Variants in CYP2J2 observed in about 807,000 individuals in gnomAD.
CYP2J2 encodes the protein cytochrome P450 family 2 subfamily J member 2.
Under a neutral mutation model 48.8 loss-of-function variants are expected in CYP2J2, and 41 were observed. That is an observed-to-expected ratio of 0.84 (90% CI 0.66 to 1.09). The LOEUF is 1.09. CYP2J2 is among the 50% of genes least tolerant of loss of function. The pLI is 0.00. For missense variants in CYP2J2, 644 were observed against 617.3 expected (o/e 1.04, Z -0.46); for synonymous variants, 221 against 227.1 (o/e 0.97, Z 0.24).
chr1:59,935,051 T>TATATATATATATATATATATATATATAC, the CYP2J2 span, among the ~76,000 whole-genome samples: 1 of 107,758 alleles, frequency 9.3e-6, no homozygotes, highest in Non-Finnish European at 1.9e-5. Flanking sequence ...TATATATATA[T>TATATATATATATATATATATATATATAC]ACACAACAGA....
chr1:59,899,095 C>T (rs922937246), intron 8 of CYP2J2, among the ~76,000 whole-genome samples: 10 of 152,178 alleles, frequency 6.6e-5, no homozygotes, highest in African/African-American at 1.9e-4. Context: ...CCTCTCATCA[C>T]GGTTGCAGCT....
intron 2 of CYP2J2, among the ~76,000 whole-genome samples, chr1:59,913,882 T>C (rs148674585): frequency 1.6e-4 from 25 of 152,368 alleles, no homozygotes; most frequent in Middle Eastern, 3.4e-3. Context: ...GGATAACAAC[T>C]AGTGTCCTTA....
chr1:59,908,662 G>T (rs1644385199), intron 5 of CYP2J2, among the ~76,000 whole-genome samples: 1 of 152,130 alleles, frequency 6.6e-6, no homozygotes, highest in African/African-American at 2.4e-5. Flanking sequence ...TTCTATAAAT[G>T]TCATACCAAT....
chr1:59,960,189 A>C, the CYP2J2 span, among the ~76,000 whole-genome samples: 58 of 152,150 alleles, frequency 3.8e-4, no homozygotes, highest in Non-Finnish European at 7.2e-4. Context: ...TGCAAAGGTG[A>C]TATAGGGAAG....
At chr1:59,967,116 G>A in the CYP2J2 span, among the ~76,000 whole-genome samples, 2 of 152,242 alleles carry the variant, frequency 1.3e-5, no homozygotes, top group East Asian at 3.9e-4. Context: ...TTATGGTTTA[G>A]GCTGAGAACT....
chr1:59,961,981 G>A, the CYP2J2 span, among the ~76,000 whole-genome samples: 1 of 152,152 alleles, frequency 6.6e-6, no homozygotes, highest in South Asian at 2.1e-4. Context: ...ATAATAAGGA[G>A]TGATGCTAGT....
At chr1:59,932,290 T>C in the CYP2J2 span, among the ~76,000 whole-genome samples, 2 of 152,152 alleles carry the variant, frequency 1.3e-5, no homozygotes, top group East Asian at 3.9e-4. Flanking sequence ...GAAGATTTTA[T>C]TGAGGAGTAA....
chr1:59,934,636 C>T, the CYP2J2 span, among the ~76,000 whole-genome samples: 1 of 151,976 alleles, frequency 6.6e-6, no homozygotes, highest in South Asian at 2.1e-4. Context: ...CAAGGAAATG[C>T]AAATCACACT....
the CYP2J2 span, among the ~76,000 whole-genome samples, chr1:59,936,769 C>G: frequency 6.6e-6 from 1 of 152,262 alleles, no homozygotes; most frequent in Non-Finnish European, 1.5e-5. Flanking sequence ...GACATGGGAT[C>G]AGATATTCCC....
chr1:59,937,934 C>T, the CYP2J2 span, among the ~76,000 whole-genome samples: 1 of 152,066 alleles, frequency 6.6e-6, no homozygotes, highest in Admixed American at 6.6e-5. Context: ...TTATCTCTAT[C>T]TTTTTGTTAC....
chr1:59,939,532 A>G, the CYP2J2 span, among the ~76,000 whole-genome samples: 1 of 152,126 alleles, frequency 6.6e-6, no homozygotes, highest in Non-Finnish European at 1.5e-5. Context: ...ACTGGTTCAG[A>G]CCTAATCTAT....
At chr1:59,918,603 G>A (rs1423996942) in intron 1 of CYP2J2, among the ~76,000 whole-genome samples, 1 of 151,556 alleles carries the variant, frequency 6.6e-6, no homozygotes, top group African/African-American at 2.4e-5. Flanking sequence ...AAATGACCCA[G>A]AGGGCCTCTG....
At chr1:59,931,891 T>A in the CYP2J2 span, among the ~76,000 whole-genome samples, 1 of 152,134 alleles carries the variant, frequency 6.6e-6, no homozygotes, top group East Asian at 1.9e-4. Context: ...ATCAGGATAA[T>A]TTGAGATTTA....
intron 8 of CYP2J2, 137 bp downstream of exon 8, chr1:59,900,828 C>T (rs1419949707): frequency 6.1e-6 from 6 of 989,812 alleles, no homozygotes; most frequent in South Asian, 3.3e-5. Context: ...GGGCTGCCCC[C>T]TACAGCAAGA....
In CYP2J2 at chr1:59,923,112, T is replaced by C. The variant is rs535321428; in HGVS notation, c.210+3425A>G. ...GAGGAGATATAGGCAGATCTCTGAC[T>C]CTCTTCCCTCCGTAGTAAAGCATAA... On this transcript the variant is annotated intron_variant, in intron 1 of 8. Transcript: ENST00000371204. 4.6e-5 allele frequency among the ~76,000 whole-genome samples: 7 copies of C among 152,334 alleles called. No individual in the cohort carries two copies. The South Asian group carries it at 1.4e-3, about 32-fold the overall frequency.
intron 8 of CYP2J2, among the ~76,000 whole-genome samples, chr1:59,897,123 G>C (rs1273524164): frequency 2.6e-5 from 4 of 152,184 alleles, no homozygotes; most frequent in South Asian, 2.1e-4. Flanking sequence ...TTTCCCAACA[G>C]TGTGTGTCTA....
At chr1:59,939,621 G>C in the CYP2J2 span, among the ~76,000 whole-genome samples, 1 of 152,160 alleles carries the variant, frequency 6.6e-6, no homozygotes, top group Non-Finnish European at 1.5e-5. Flanking sequence ...CTCTGGGGCT[G>C]TAGATGTCAA....
upstream of CYP2J2, among the ~76,000 whole-genome samples, chr1:59,930,518 T>C (rs1357784662): frequency 1.3e-5 from 2 of 152,170 alleles, no homozygotes; most frequent in Non-Finnish European, 2.9e-5. Flanking sequence ...TATATTTTCA[T>C]GTTCTGGTTG....
chr1:59,929,096 A>T (rs958708961), upstream of CYP2J2, among the ~76,000 whole-genome samples: 3 of 152,234 alleles, frequency 2.0e-5, no homozygotes, highest in African/African-American at 7.2e-5. Flanking sequence ...TTAAATACAG[A>T]ACAGAGAAAA....
Sources: allele counts gnomAD v4.1 joint callset (sites outside exome capture counted in the v4.1 genomes callset), GRCh38; gene constraint gnomAD v4.1.1; transcripts MANE v1.5; gene names NCBI Gene and HGNC (gene_info 2026-07-23, HGNC 2026-07-21).